Variants in NEK9 observed in about 807,000 individuals in gnomAD.
NEK9 encodes the protein NIMA related kinase 9.
In NEK9, 75 loss-of-function variants were observed where a neutral mutation model predicts 123.4. The observed-to-expected ratio is 0.61, with a 90% CI of 0.50 to 0.74. The LOEUF is 0.74. Ranked by LOEUF, NEK9 falls within the 30% of genes least tolerant of loss-of-function variation. The probability of loss-of-function intolerance (pLI) is 0.00; values close to 1 mark genes in which losing one functional copy is unlikely to be tolerated. For missense variants in NEK9, 952 were observed against 1,214.4 expected, an observed-to-expected ratio of 0.78 and a Z score of 3.21; for synonymous variants, 438 against 458.7, an observed-to-expected ratio of 0.95 and a Z score of 0.58.
At chr14:75,107,170 C>T (rs1339107509) in intron 11 of NEK9, among the ~76,000 whole-genome samples, 173 bp downstream of exon 11, 1 of 151,976 alleles carries the variant, frequency 6.6e-6, no homozygotes, top group African/African-American at 2.4e-5. Context: ...TGCTCACCAC[C>T]CCCTAATACT....
intron 3 of NEK9, chr14:75,120,878 G>A (rs900688276): frequency 8.0e-6 from 5 of 623,758 alleles, no homozygotes; most frequent in South Asian, 1.8e-5. Flanking sequence ...ATACCAGTAC[G>A]CAGTAATAGA....
At chr14:75,122,093 T>C (rs1282769388) in intron 2 of NEK9, among the ~76,000 whole-genome samples, 2 of 152,206 alleles carry the variant, frequency 1.3e-5, no homozygotes, top group Non-Finnish European at 1.5e-5. Context: ...CAAGTAATCA[T>C]GGTTCATCTT....
intron 19 of NEK9, among the ~76,000 whole-genome samples, chr14:75,090,657 G>A (rs1014259994): frequency 6.6e-6 from 1 of 150,952 alleles, no homozygotes; most frequent in Non-Finnish European, 1.5e-5. Context: ...CTTCAGCCTC[G>A]ACTTCCCAGG....
At chr14:75,116,485 CT>C in intron 6 of NEK9, 1 of 362,804 alleles carries the variant, frequency 2.8e-6, no homozygotes, top group Non-Finnish European at 5.7e-6. Flanking sequence ...GATTTGCATT[CT>C]TTTACACGTT....
In NEK9 at chr14:75,109,882, C is replaced by T. The variant is rs1894904202; in HGVS notation, c.990-5G>A. 1 of 1,598,462 alleles carries T rather than the reference C, an allele frequency of 6.3e-7. No homozygotes were observed. Among genetic ancestry groups the T allele is most frequent in the African/African-American group, 1.4e-5 (1 of 73,830 alleles). On this transcript the variant is annotated splice_polypyrimidine_tract_variant and splice_region_variant and intron_variant, in intron 9 of 21. Coordinates refer to ENST00000238616, the MANE Select transcript of NEK9 (RefSeq NM_033116.6). Reference sequence around the variant, plus strand: ...GCTTCAGTCACAGTGCTTGACCTGCCAACAACCCCCAGAACAAAGGAACAT... The same window carrying T: ...GCTTCAGTCACAGTGCTTGACCTGCTAACAACCCCCAGAACAAAGGAACAT...
At chr14:75,114,154 G>A in intron 7 of NEK9, 49 bp downstream of exon 7, 1 of 1,318,276 alleles carries the variant, frequency 7.6e-7, no homozygotes, top group Middle Eastern at 1.8e-4. Context: ...AAACACTGAG[G>A]CTGGAAGGGG....
intron 13 of NEK9, 52 bp from the exon 14 acceptor site, chr14:75,104,049 A>T (rs757849182): frequency 2.6e-6 from 4 of 1,527,416 alleles, no homozygotes; most frequent in Non-Finnish European, 3.5e-6. Context: ...TTCGTATTAG[A>T]AAAAAAGCTC....
At chr14:75,090,698 A>C (rs1344406640) in intron 19 of NEK9, among the ~76,000 whole-genome samples, 1 of 151,918 alleles carries the variant, frequency 6.6e-6, no homozygotes, top group Non-Finnish European at 1.5e-5. Context: ...CAGCCTCCTG[A>C]GTAGCTGGAA....
At chr14:75,113,512 CATTTCTTATGTGATA>C in intron 7 of NEK9, 109 bp from the exon 8 acceptor site, 1 of 769,418 alleles carries the variant, frequency 1.3e-6, no homozygotes, top group African/African-American at 1.7e-5. Flanking sequence ...TTTTAAAAAT[CATTTCTTATGTGATA>C]CTCCATATTT....
At chr14:75,108,510 T>C (rs2139772239) in intron 10 of NEK9, among the ~76,000 whole-genome samples, 1 of 70,748 alleles carries the variant, frequency 1.4e-5, no homozygotes, top group African/African-American at 5.3e-5. Context: ...TGTGTGTGCG[T>C]GTGCGTGTGT....
chr14:75,090,506 C>T (rs1414337397), intron 19 of NEK9, among the ~76,000 whole-genome samples: 1 of 151,904 alleles, frequency 6.6e-6, no homozygotes, highest in Non-Finnish European at 1.5e-5. Context: ...TCATCCTCTT[C>T]TGCATAGCCA....
rs767993332 is a variant in NEK9 at position 75,091,310 on chromosome 14, C to G, written c.2402G>C (p.Ser801Thr). The G allele has an allele frequency of 1.9e-6, 3 of 1,613,510 alleles. No homozygotes were observed. In the African/African-American group the frequency reaches 4.0e-5, roughly 22 times the overall value. The change falls in exon 19 of 22, where the codon AGT (serine) becomes ACT (threonine). Residue 801 changes from serine to threonine, a missense_variant. Physicochemically the swap from Ser to Thr is moderately conservative, Grantham distance 58 (BLOSUM62 1). This residue lies in a region of NEK9 where 698 missense variants were observed against 875.6 expected (regional missense o/e 0.80). Transcript: ENST00000238616. The part of the protein sequence containing the change: ...LISPTEAMGN[S>T]NGASSSCPGW... ...AGGACAGGAGCTGCTGGCCCCATTA[C>G]TGTTCCCCATGGCCTCTGTGGGACT...
At position 75,079,729 on chromosome 14, in the gene NEK9, G is replaced by A. The variant is rs1237211656; in HGVS notation, c.*4835C>T. On this transcript the variant is annotated 3_prime_UTR_variant, in exon 22 of 22. Coordinates refer to ENST00000238616, the MANE Select transcript of NEK9 (RefSeq NM_033116.6). Reference sequence around the variant, plus strand: ...CAGCAACCCGCATGGCACAAATTGGGTGGGGTTTAGAATCAGATGCTCCTC... The same window carrying A: ...CAGCAACCCGCATGGCACAAATTGGATGGGGTTTAGAATCAGATGCTCCTC... 2.0e-5 allele frequency: 3 copies of A among 152,204 alleles called. No individual in the cohort carries two copies. Among genetic ancestry groups the A allele is most frequent in the Non-Finnish European group, 4.4e-5 (3 of 68,040 alleles). The allele number at this position is 152,204 out of a possible 1,614,324, so 9.4% of individuals were successfully genotyped here. A position where few individuals can be genotyped will look rare whatever the true frequency, so the allele number is the denominator to read the frequency against.
chr14:75,108,591 G>GT (rs545647622), intron 10 of NEK9, among the ~76,000 whole-genome samples: 167 of 151,032 alleles, frequency 1.1e-3, no homozygotes, highest in African/African-American at 3.8e-3. Flanking sequence ...GTCTTGCTCT[G>GT]TCACTCAGGC....
intron 2 of NEK9, among the ~76,000 whole-genome samples, chr14:75,122,105 C>T (rs1432932638): frequency 2.6e-5 from 4 of 152,186 alleles, no homozygotes; most frequent in African/African-American, 9.7e-5. Flanking sequence ...GTTCATCTTA[C>T]ATCCCACCTG....
At position 75,084,486 on chromosome 14, in the gene NEK9, G is replaced by A. The variant is rs1594817974; in HGVS notation, c.*78C>T. ...TCTGCAAGTGAACAAAGCCAGGAAAGCTGCTCTCTGCATTCGGTAAGTGTG... is the reference window on the plus strand; with the variant it reads ...TCTGCAAGTGAACAAAGCCAGGAAAACTGCTCTCTGCATTCGGTAAGTGTG... On this transcript the variant is annotated 3_prime_UTR_variant, in exon 22 of 22. Coordinates refer to ENST00000238616, the MANE Select transcript of NEK9 (RefSeq NM_033116.6). The A allele has an allele frequency of 1.9e-6, 3 of 1,557,248 alleles. No homozygotes were observed. The highest frequency in any genetic ancestry group is 2.6e-6 in the Non-Finnish European group (3 of 1,137,590).
intron 1 of NEK9, among the ~76,000 whole-genome samples, chr14:75,125,093 C>T (rs1020004093): frequency 9.2e-5 from 14 of 152,002 alleles, no homozygotes; most frequent in Non-Finnish European, 7.4e-5. Flanking sequence ...GCTGACCCTG[C>T]TTCCTAGCCC....
At chr14:75,112,997 CAAAGAT>C (rs1895006937) in intron 8 of NEK9, among the ~76,000 whole-genome samples, 1 of 152,156 alleles carries the variant, frequency 6.6e-6, no homozygotes, top group African/African-American at 2.4e-5. Context: ...AATAACTTGA[CAAAGAT>C]AATGACAAAA....
At position 75,083,360 on chromosome 14, in the gene NEK9, G is replaced by C. The variant is rs375481392; in HGVS notation, c.*1204C>G. ...TATTTCTCTTTGGTAAAGCTAGCTT[G>C]TTTCTATCTACAAAGACACAGTGAG... On this transcript the variant is annotated 3_prime_UTR_variant, in exon 22 of 22. Coordinates refer to ENST00000238616, the MANE Select transcript of NEK9 (RefSeq NM_033116.6). 2.2e-5 allele frequency: 7 copies of C among 325,324 alleles called. No homozygotes were observed. Among genetic ancestry groups the C allele is most frequent in the African/African-American group, 1.5e-4 (7 of 47,156 alleles). The allele number at this position is 325,324 out of a possible 1,614,324, so 20.2% of individuals were successfully genotyped here.
Sources: gnomAD v4.1 joint callset for allele counts (sites outside exome capture counted in the v4.1 genomes callset) on GRCh38, gnomAD v4.1.1 for gene constraint, gnomAD v4.1.1 regional missense constraint, MANE v1.5 for transcripts, NCBI Gene and HGNC (gene_info 2026-07-23, HGNC 2026-07-21) for gene names.